The following DNM3 variants were observed in gnomAD, a reference collection of about 807,000 sequenced individuals.
DNM3 encodes dynamin-3.
A neutral mutation model predicts 101.6 loss-of-function variants in DNM3; 47 were observed. The ratio of observed to expected loss-of-function variants is 0.46; its 90% confidence interval spans 0.37 to 0.59. The LOEUF is 0.59. Among genes scored for constraint, DNM3 ranks in the 20% least tolerant of loss-of-function variants. DNM3 has a pLI of 0.00. For missense variants in DNM3, 849 were observed against 1,085.7 expected, an observed-to-expected ratio of 0.78 and a Z score of 3.06; for synonymous variants, 385 against 387.9, an observed-to-expected ratio of 0.99 and a Z score of 0.09.
In DNM3 at chr1:172,379,171, A is replaced by C; in HGVS notation, c.2047A>C (p.Met683Leu). Reference protein sequence around the residue: ...DLIPKTIMHLMINNVKDFINS... With the variant: ...DLIPKTIMHLLINNVKDFINS... Reference sequence around the variant, plus strand: ...AATTCCAAAAACAATAATGCACCTTATGATCAATAACGTAAGTGATTATAA... The same window carrying C: ...AATTCCAAAAACAATAATGCACCTTCTGATCAATAACGTAAGTGATTATAA... The change falls in exon 18 of 21, where the codon ATG (methionine) becomes CTG (leucine). Residue 683 changes from methionine to leucine, a missense_variant. Coordinates refer to ENST00000627582, the MANE Select transcript of DNM3 (RefSeq NM_015569.5). 6.2e-7 allele frequency: 1 copy of C among 1,606,608 alleles called. No homozygotes were observed. Among genetic ancestry groups the C allele is most frequent in the Non-Finnish European group, 8.5e-7 (1 of 1,176,048 alleles).
At chr1:171,971,327 TA>T (rs1401924443) in intron 2 of DNM3, among the ~76,000 whole-genome samples, 1 of 152,122 alleles carries the variant, frequency 6.6e-6, no homozygotes, top group Admixed American at 6.6e-5. Flanking sequence ...ACCCTTTCTA[TA>T]AATCCTTTAC....
intron 14 of DNM3, among the ~76,000 whole-genome samples, chr1:172,149,304 G>A (rs141035102): frequency 5.9e-5 from 9 of 152,178 alleles, no homozygotes; most frequent in African/African-American, 1.7e-4. Context: ...AACCACTGGC[G>A]TGCACAGCAG....
At chr1:172,298,146 G>A (rs535051982) in intron 15 of DNM3, among the ~76,000 whole-genome samples, 1 of 151,792 alleles carries the variant, frequency 6.6e-6, no homozygotes, top group African/African-American at 2.4e-5. Context: ...AATGCTGTTC[G>A]TGTGCCTCTT....
chr1:171,914,220 C>T (rs554596845), intron 1 of DNM3, among the ~76,000 whole-genome samples: 47 of 151,416 alleles, frequency 3.1e-4, no homozygotes, highest in Middle Eastern at 3.5e-3. Flanking sequence ...TGCAATGATG[C>T]GATCGCGGCT....
At chr1:172,109,997 C>T (rs553090392) in intron 13 of DNM3, among the ~76,000 whole-genome samples, 1 of 152,286 alleles carries the variant, frequency 6.6e-6, no homozygotes, top group African/African-American at 2.4e-5. Flanking sequence ...ATGTGTTGTT[C>T]TTTGTTTTGT....
chr1:172,125,629 A>T (rs2056578161), intron 13 of DNM3, among the ~76,000 whole-genome samples: 1 of 152,180 alleles, frequency 6.6e-6, no homozygotes, highest in Non-Finnish European at 1.5e-5. Flanking sequence ...ATTTATGGGC[A>T]ATAAATTTAA....
At chr1:172,053,905 GC>G (rs11319150) in intron 10 of DNM3, among the ~76,000 whole-genome samples, 51,517 of 151,738 alleles carry the variant, frequency 0.34, 9,479 homozygotes, top group East Asian at 0.69. Flanking sequence ...TTTATTACTT[GC>G]CTCGTTTTGA....
At position 171,987,742 on chromosome 1, in the gene DNM3, G is replaced by A. The variant is rs755001015; in HGVS notation, c.322G>A (p.Val108Met). ...RLEIEAETDRVTGMNKGISSI... is the reference protein window; with the variant it reads ...RLEIEAETDRMTGMNKGISSI... Reference sequence around the variant, plus strand: ...TGAGATTGAAGCAGAAACAGATCGCGTGACTGGAATGAATAAAGGCATTTC... The same window carrying A: ...TGAGATTGAAGCAGAAACAGATCGCATGACTGGAATGAATAAAGGCATTTC... The change falls in exon 3 of 21, where the codon GTG becomes ATG. Residue 108 changes from valine to methionine, a missense_variant. By Grantham distance (21) the Val-to-Met change is conservative. Around this residue, in one of 5 missense-constraint regions of DNM3, gnomAD observed 388 missense variants for 483.0 expected, o/e 0.80. Coordinates refer to ENST00000627582, the MANE Select transcript of DNM3 (RefSeq NM_015569.5). 1.5e-5 allele frequency: 24 copies of A among 1,603,644 alleles called. No homozygotes were observed. In the African/African-American group the frequency reaches 1.9e-4, roughly 13 times the overall value.
Position 172,408,590 on chromosome 1 carries a change from CT to C in DNM3, c.*750del. On this transcript the variant is annotated 3_prime_UTR_variant, in exon 21 of 21. Transcript: ENST00000627582. ...TCAAGGAAGAAGCAAAATATCACAT[CT>C]CTAGAAGTGTTGGGAAAAATATAAT... 1 of 984,860 alleles carries C rather than the reference CT, an allele frequency of 1.0e-6. No homozygotes were observed. Among genetic ancestry groups the C allele is most frequent in the East Asian group, 1.1e-4 (1 of 8,810 alleles). The allele number at this position is 984,860 out of a possible 1,614,324, so 61.0% of individuals were successfully genotyped here.
intron 17 of DNM3, among the ~76,000 whole-genome samples, chr1:172,355,014 T>A (rs1226994055): frequency 1.3e-5 from 2 of 152,172 alleles, no homozygotes; most frequent in African/African-American, 4.8e-5. Flanking sequence ...GAGAGAAAAG[T>A]CTTTGAGAAT....
chr1:171,915,597 G>A (rs889040838), intron 1 of DNM3, among the ~76,000 whole-genome samples: 13 of 152,168 alleles, frequency 8.5e-5, no homozygotes, highest in African/African-American at 2.4e-4. Flanking sequence ...TGGGAATGAA[G>A]GAGGAGAAAC....
chr1:172,178,607 G>C (rs1328324748), intron 14 of DNM3, among the ~76,000 whole-genome samples: 1 of 151,876 alleles, frequency 6.6e-6, no homozygotes, highest in Non-Finnish European at 1.5e-5. Flanking sequence ...ATGATGAAGA[G>C]AGGGAGAGAG....
chr1:171,884,723 G>A (rs1303202621), intron 1 of DNM3, among the ~76,000 whole-genome samples: 1 of 152,164 alleles, frequency 6.6e-6, no homozygotes, highest in Non-Finnish European at 1.5e-5. Flanking sequence ...CAACGGGCTA[G>A]TTCAGACTTG....
chr1:172,168,861 T>G (rs2148332273), intron 14 of DNM3, among the ~76,000 whole-genome samples: 1 of 152,030 alleles, frequency 6.6e-6, no homozygotes, highest in South Asian at 2.1e-4. Flanking sequence ...ATTGCCAAGT[T>G]GCAAAACCCG....
At chr1:171,930,371 A>G (rs962616678) in intron 2 of DNM3, among the ~76,000 whole-genome samples, 4 of 152,136 alleles carry the variant, frequency 2.6e-5, no homozygotes, top group East Asian at 1.9e-4. Context: ...AGCCCCCTGG[A>G]TTCAGCCTCT....
At chr1:171,850,653 T>C (rs1321842624) in intron 1 of DNM3, among the ~76,000 whole-genome samples, 1 of 152,214 alleles carries the variant, frequency 6.6e-6, no homozygotes, top group African/African-American at 2.4e-5. Flanking sequence ...AAATTCAACT[T>C]AAGAAACTTT....
intron 15 of DNM3, among the ~76,000 whole-genome samples, chr1:172,305,693 G>A (rs2064770620): frequency 1.3e-5 from 2 of 152,176 alleles, no homozygotes; most frequent in Non-Finnish European, 2.9e-5. Flanking sequence ...CCACGATCAA[G>A]TTGGCTTCAC....
intron 4 of DNM3, among the ~76,000 whole-genome samples, chr1:172,027,577 T>C (rs2048295916): frequency 7.1e-6 from 1 of 141,150 alleles, no homozygotes; most frequent in Non-Finnish European, 1.5e-5. Flanking sequence ...CAAGACTCTG[T>C]CTCAAGAAAC....
rs1355971651 is a variant in DNM3 at position 172,412,680 on chromosome 1, T to C, written c.*4839T>C. The C allele has an allele frequency of 5.1e-5, 50 of 985,654 alleles. No individual in the cohort carries two copies. Among genetic ancestry groups the C allele is most frequent in the Non-Finnish European group, 5.7e-5 (47 of 829,828 alleles). 61.1% of individuals were successfully genotyped at this position (985,654 alleles called of 1,614,324 possible). On this transcript the variant is annotated 3_prime_UTR_variant, in exon 21 of 21. Transcript: ENST00000627582. ...TACCTATTGTGAAAATGTGAAGCTGTATTTCTGAAGCTGAAATAAATTATA... is the reference window on the plus strand; with the variant it reads ...TACCTATTGTGAAAATGTGAAGCTGCATTTCTGAAGCTGAAATAAATTATA...
Sources: gnomAD v4.1 joint callset for allele counts (sites outside exome capture counted in the v4.1 genomes callset) on GRCh38, gnomAD v4.1.1 for gene constraint, gnomAD v4.1.1 regional missense constraint, MANE v1.5 for transcripts, NCBI Gene and HGNC (gene_info 2026-07-23, HGNC 2026-07-21) for gene names.